The following PDZRN4 variants were observed in gnomAD, a reference collection of about 807,000 sequenced individuals.
PDZRN4 encodes PDZ domain-containing RING finger protein 4.
In PDZRN4, 70 loss-of-function variants were observed where a neutral mutation model predicts 99.0. The ratio of observed to expected loss-of-function variants is 0.71; its 90% CI spans 0.58 to 0.86. The LOEUF is 0.86. Among genes scored for constraint, PDZRN4 ranks in the 40% least tolerant of loss-of-function variants. The pLI is 0.00. For missense variants in PDZRN4, 1,474 were observed against 1,331.2 expected, an observed-to-expected ratio of 1.11 and a Z score of -1.67; for synonymous variants, 551 against 501.6, an observed-to-expected ratio of 1.10 and a Z score of -1.32.
chr12:41,384,385 A>G (rs535160939), intron 3 of PDZRN4, among the ~76,000 whole-genome samples: 1 of 152,240 alleles, frequency 6.6e-6, no homozygotes, highest in South Asian at 2.1e-4. Flanking sequence ...CCCTTTAACA[A>G]CACTAGATTT....
Position 41,395,044 on chromosome 12 carries a change from T to G in PDZRN4, c.844-111412T>G, listed in dbSNP as rs1209127061. Among the ~76,000 whole-genome samples, 4 of 152,132 alleles carry G rather than the reference T, an allele frequency of 2.6e-5. No individual in the cohort carries two copies. In the East Asian group the frequency reaches 5.8e-4, roughly 22 times the overall value. ...TGCAGTTCACTTTCTTATCACAAAT[T>G]ATTTATATTGCTCCCACTATGCTAA... On this transcript the variant is annotated intron_variant, in intron 3 of 9. Coordinates refer to ENST00000402685, the MANE Select transcript of PDZRN4 (RefSeq NM_001164595.2).
At chr12:41,379,903 T>G (rs1952110950) in intron 3 of PDZRN4, among the ~76,000 whole-genome samples, 1 of 152,098 alleles carries the variant, frequency 6.6e-6, no homozygotes, top group Non-Finnish European at 1.5e-5. Flanking sequence ...GTTTCCTTAT[T>G]GATTTTCATG....
intron 3 of PDZRN4, among the ~76,000 whole-genome samples, chr12:41,251,513 C>T (rs1951169951): frequency 6.6e-6 from 1 of 152,086 alleles, no homozygotes. Context: ...GTTAATATTG[C>T]TCTGATAGGG....
intron 3 of PDZRN4, among the ~76,000 whole-genome samples, chr12:41,492,191 C>T (rs1937900402): frequency 6.6e-6 from 1 of 151,404 alleles, no homozygotes; most frequent in African/African-American, 2.4e-5. Flanking sequence ...CACATTAAAA[C>T]ATCTGTAAAA....
At chr12:41,350,833 T>C (rs1187928069) in intron 3 of PDZRN4, among the ~76,000 whole-genome samples, 2 of 120,682 alleles carry the variant, frequency 1.7e-5, no homozygotes, top group African/African-American at 2.6e-5. Context: ...CAATCCAAAA[T>C]TGGACTGGAG....
At chr12:41,508,587 A>C (rs79048781) in intron 4 of PDZRN4, among the ~76,000 whole-genome samples, 1 of 152,280 alleles carries the variant, frequency 6.6e-6, no homozygotes, top group East Asian at 1.9e-4. Flanking sequence ...CAGATGTCCA[A>C]AGCAGCAGGC....
At chr12:41,219,475 T>A (rs1011204811) in intron 3 of PDZRN4, among the ~76,000 whole-genome samples, 1 of 152,116 alleles carries the variant, frequency 6.6e-6, no homozygotes, top group Non-Finnish European at 1.5e-5. Flanking sequence ...GCTCTAGAAG[T>A]TGAAATGAGA....
chr12:41,220,266 G>C (rs1950946117), intron 3 of PDZRN4, among the ~76,000 whole-genome samples: 1 of 152,082 alleles, frequency 6.6e-6, no homozygotes, highest in African/African-American at 2.4e-5. Flanking sequence ...TCCTTGGCAT[G>C]TAGGTGGCCA....
intron 3 of PDZRN4, among the ~76,000 whole-genome samples, chr12:41,225,231 C>T (rs535660377): frequency 2.0e-5 from 3 of 152,024 alleles, no homozygotes; most frequent in Non-Finnish European, 4.4e-5. Context: ...TTATTTACCA[C>T]ATTAAGTTGC....
intron 3 of PDZRN4, among the ~76,000 whole-genome samples, chr12:41,387,941 A>G (rs752073721): frequency 6.6e-6 from 1 of 152,214 alleles, no homozygotes; most frequent in Non-Finnish European, 1.5e-5. Context: ...TTCCCAAAGG[A>G]GTATAACTCA....
intron 9 of PDZRN4, among the ~76,000 whole-genome samples, chr12:41,571,275 A>G (rs913473526): frequency 1.3e-5 from 2 of 151,434 alleles, no homozygotes; most frequent in Non-Finnish European, 3.0e-5. Context: ...AGAACTACAC[A>G]TGCATCTTAT....
intron 3 of PDZRN4, among the ~76,000 whole-genome samples, chr12:41,294,936 T>C (rs1421866850): frequency 6.6e-6 from 1 of 152,012 alleles, no homozygotes; most frequent in Admixed American, 6.6e-5. Context: ...TAGAGCTGAA[T>C]AGAGACATGA....
intron 3 of PDZRN4, among the ~76,000 whole-genome samples, chr12:41,495,317 C>G (rs948130878): frequency 1.3e-5 from 2 of 152,036 alleles, no homozygotes; most frequent in Non-Finnish European, 2.9e-5. Context: ...AAGGGATGGG[C>G]AACGTCTACT....
At chr12:41,506,119 A>T (rs1018103042) in intron 3 of PDZRN4, among the ~76,000 whole-genome samples, 2 of 151,974 alleles carry the variant, frequency 1.3e-5, no homozygotes, top group African/African-American at 4.8e-5. Context: ...AAAAAGTAGG[A>T]TATACTTAAC....
intron 3 of PDZRN4, chr12:41,412,272 G>A (rs1318048770): frequency 1.3e-5 from 2 of 152,138 alleles, no homozygotes; most frequent in African/African-American, 2.4e-5. Context: ...ATCCAGTCGT[G>A]TCTGTTTTAT....
chr12:41,251,926 A>G (rs1566396161), intron 3 of PDZRN4, among the ~76,000 whole-genome samples: 1 of 152,180 alleles, frequency 6.6e-6, no homozygotes, highest in Non-Finnish European at 1.5e-5. Flanking sequence ...GACCAGCCTA[A>G]GCAACACACT....
At chr12:41,567,929 T>C (rs1255926913) in intron 9 of PDZRN4, 30 bp downstream of exon 9, 1 of 1,255,024 alleles carries the variant, frequency 8.0e-7, no homozygotes, top group Non-Finnish European at 1.1e-6. Context: ...CTACATCATT[T>C]GATATGTTGC....
chr12:41,474,250 A>G (rs1259698542), intron 3 of PDZRN4, among the ~76,000 whole-genome samples: 1 of 152,246 alleles, frequency 6.6e-6, no homozygotes, highest in African/African-American at 2.4e-5. Context: ...TCTCAATTTT[A>G]CCCAACTGAA....
chr12:41,224,374 TCATTA>T, intron 3 of PDZRN4, among the ~76,000 whole-genome samples: 1 of 152,330 alleles, frequency 6.6e-6, no homozygotes, highest in Admixed American at 6.5e-5. Flanking sequence ...TGATACATAT[TCATTA>T]CATTATTTTT....
Sources: gnomAD v4.1 joint callset for allele counts (sites outside exome capture counted in the v4.1 genomes callset) on GRCh38, gnomAD v4.1.1 for gene constraint, MANE v1.5 for transcripts, NCBI Gene and HGNC (gene_info 2026-07-23, HGNC 2026-07-21) for gene names.